The following GABRB1 variants were observed in gnomAD, a reference collection of about 807,000 sequenced individuals.
GABRB1 encodes the protein gamma-aminobutyric acid receptor subunit beta-1.
A neutral mutation model predicts 51.6 loss-of-function variants in GABRB1; 17 were observed. The observed-to-expected ratio is 0.33, with a 90% CI of 0.23 to 0.49. GABRB1 has a LOEUF of 0.49. GABRB1 is among the 20% of genes least tolerant of loss of function. The pLI is 0.99. For synonymous variants in GABRB1, 247 were observed against 218.9 expected, an observed-to-expected ratio of 1.13 and a Z score of -1.14; for missense variants, 410 against 600.6, an observed-to-expected ratio of 0.68 and a Z score of 3.32.
intron 5 of GABRB1, among the ~76,000 whole-genome samples, chr4:47,367,937 A>T (rs1727041169): frequency 6.6e-6 from 1 of 152,158 alleles, no homozygotes; most frequent in Admixed American, 6.5e-5. Flanking sequence ...GCTCACATGA[A>T]ACAAAGGAAA....
intron 3 of GABRB1, among the ~76,000 whole-genome samples, chr4:47,138,697 A>G (rs1716784442): frequency 1.3e-5 from 2 of 152,100 alleles, no homozygotes; most frequent in South Asian, 4.1e-4. Context: ...CATTGTAACC[A>G]TATGCATAAC....
intron 4 of GABRB1, among the ~76,000 whole-genome samples, chr4:47,252,398 G>A (rs906569338): frequency 6.6e-6 from 1 of 151,886 alleles, no homozygotes; most frequent in Non-Finnish European, 1.5e-5. Flanking sequence ...GAACCAGTCT[G>A]CTTCCTTCAG....
intron 5 of GABRB1, among the ~76,000 whole-genome samples, chr4:47,396,641 G>A (rs1431645253): frequency 6.6e-6 from 1 of 152,138 alleles, no homozygotes; most frequent in Admixed American, 6.5e-5. Flanking sequence ...TGGCATGAAA[G>A]AGTGGTCCAA....
At chr4:47,353,155 A>AC (rs1243144609) in intron 5 of GABRB1, among the ~76,000 whole-genome samples, 1 of 152,098 alleles carries the variant, frequency 6.6e-6, no homozygotes, top group Non-Finnish European at 1.5e-5. Flanking sequence ...GGGGGAAACC[A>AC]CCCCCATGAT....
intron 4 of GABRB1, among the ~76,000 whole-genome samples, chr4:47,243,241 C>T (rs1721603540): frequency 6.6e-6 from 1 of 152,124 alleles, no homozygotes. Context: ...TTCCATTGGT[C>T]TATATCTCTG....
intron 1 of GABRB1, among the ~76,000 whole-genome samples, chr4:47,016,079 G>T (rs1724734087): frequency 6.6e-6 from 1 of 152,222 alleles, no homozygotes; most frequent in East Asian, 1.9e-4. Flanking sequence ...CTTGCTTCTG[G>T]CTTATACAGA....
intron 5 of GABRB1, among the ~76,000 whole-genome samples, chr4:47,379,177 T>C (rs1388305717): frequency 6.6e-6 from 1 of 152,202 alleles, no homozygotes; most frequent in Non-Finnish European, 1.5e-5. Context: ...TTACTAAGTA[T>C]ACTATACTAT....
upstream of GABRB1, among the ~76,000 whole-genome samples, chr4:47,027,812 C>T (rs1331161559): frequency 8.6e-5 from 13 of 151,568 alleles, no homozygotes; most frequent in Admixed American, 8.6e-4. Context: ...AAAATTCATA[C>T]TTTTCTAACA....
chr4:47,073,076 T>C (rs1167923375), intron 3 of GABRB1, among the ~76,000 whole-genome samples: 3 of 152,162 alleles, frequency 2.0e-5, no homozygotes, highest in Admixed American at 2.0e-4. Flanking sequence ...TCAAAGTGTG[T>C]CTACAATTGG....
intron 1 of GABRB1, among the ~76,000 whole-genome samples, chr4:47,001,254 T>C (rs1724172365): frequency 1.3e-5 from 2 of 152,120 alleles, no homozygotes; most frequent in Admixed American, 6.5e-5. Flanking sequence ...GCCATTCTCC[T>C]GCCTCAGCCT....
intron 4 of GABRB1, among the ~76,000 whole-genome samples, chr4:47,188,850 T>C (rs1193300718): frequency 6.6e-6 from 1 of 152,046 alleles, no homozygotes; most frequent in Admixed American, 6.6e-5. Flanking sequence ...GCTTTTGGTT[T>C]GGGCATTACA....
upstream of GABRB1, among the ~76,000 whole-genome samples, chr4:47,030,998 C>T (rs1158911029): frequency 1.3e-5 from 2 of 152,110 alleles, no homozygotes; most frequent in African/African-American, 4.8e-5. Context: ...TACTCTGCCT[C>T]CTACAGAAGT....
At chr4:47,419,143 T>C (rs1392891492) in intron 8 of GABRB1, among the ~76,000 whole-genome samples, 2 of 152,206 alleles carry the variant, frequency 1.3e-5, no homozygotes, top group Non-Finnish European at 2.9e-5. Flanking sequence ...TTCAAGAACT[T>C]TGTCTGTTTT....
chr4:47,197,531 C>A (rs1297135176), intron 4 of GABRB1, among the ~76,000 whole-genome samples: 1 of 152,078 alleles, frequency 6.6e-6, no homozygotes. Context: ...TTCATTTCCT[C>A]GGGCTGAAAC....
At chr4:47,311,805 A>G (rs1409602635) in intron 4 of GABRB1, among the ~76,000 whole-genome samples, 2 of 152,204 alleles carry the variant, frequency 1.3e-5, no homozygotes, top group Non-Finnish European at 2.9e-5. Flanking sequence ...ACTACTAGCC[A>G]AAGTAACTCT....
intron 5 of GABRB1, among the ~76,000 whole-genome samples, chr4:47,385,330 G>T (rs1035403020): frequency 6.6e-6 from 1 of 152,122 alleles, no homozygotes. Context: ...TTTTTGAGAA[G>T]GTTGTACCCA....
At chr4:47,252,268 C>T (rs1722022469) in intron 4 of GABRB1, among the ~76,000 whole-genome samples, 1 of 152,036 alleles carries the variant, frequency 6.6e-6, no homozygotes, top group Non-Finnish European at 1.5e-5. Context: ...AGAAACTTCT[C>T]CCACAAACAG....
chr4:47,005,552 TG>T (rs1396532655), intron 1 of GABRB1, among the ~76,000 whole-genome samples: 1 of 151,808 alleles, frequency 6.6e-6, no homozygotes, highest in African/African-American at 2.4e-5. Context: ...ATCCATTTGA[TG>T]CTAAAAGAGA....
chr4:47,148,293 A>G (rs1425965389), intron 3 of GABRB1, among the ~76,000 whole-genome samples: 1 of 151,934 alleles, frequency 6.6e-6, no homozygotes, highest in Non-Finnish European at 1.5e-5. Context: ...GCATAATTCT[A>G]TTTTGGGCCA....
Sources: allele counts gnomAD v4.1 joint callset (sites outside exome capture counted in the v4.1 genomes callset), GRCh38; gene constraint gnomAD v4.1.1; transcripts MANE v1.5; gene names NCBI Gene and HGNC (gene_info 2026-07-23, HGNC 2026-07-21).